The following COBL variants were observed in gnomAD, a reference collection of about 807,000 sequenced individuals.
COBL encodes cordon-bleu WH2 repeat protein, also known as protein cordon-bleu.
A neutral mutation model predicts 98.8 loss-of-function variants in COBL; 51 were observed. The observed-to-expected ratio is 0.52, with a 90% CI of 0.41 to 0.65. The LOEUF (loss-of-function observed/expected upper bound fraction) is 0.65, where lower values mean the gene tolerates loss of function less well. COBL is among the 30% of genes least tolerant of loss of function. COBL has a pLI of 0.00. For synonymous variants in COBL, 634 were observed against 651.7 expected (o/e 0.97, Z 0.41); for missense variants, 1,617 against 1,617.5 (o/e 1.00, Z 0.01).
At chr7:51,160,039 C>T (rs141350969) in intron 5 of COBL, among the ~76,000 whole-genome samples, 4 of 152,254 alleles carry the variant, frequency 2.6e-5, no homozygotes, top group Non-Finnish European at 4.4e-5. Flanking sequence ...ACTACAGACA[C>T]CTGCCACCAC....
At chr7:51,030,442 T>C (rs958648048) in intron 9 of COBL, among the ~76,000 whole-genome samples, 4 of 152,190 alleles carry the variant, frequency 2.6e-5, no homozygotes, top group African/African-American at 9.6e-5. Context: ...GTATTTCTCA[T>C]TGACAGATAT....
chr7:51,152,957 T>C (rs930562720), intron 5 of COBL, among the ~76,000 whole-genome samples: 1 of 152,252 alleles, frequency 6.6e-6, no homozygotes, highest in Non-Finnish European at 1.5e-5. Flanking sequence ...AGCAATGAAC[T>C]GAACCAAACC....
At chr7:51,169,823 T>A (rs1280644497) in intron 5 of COBL, among the ~76,000 whole-genome samples, 1 of 152,212 alleles carries the variant, frequency 6.6e-6, no homozygotes, top group Non-Finnish European at 1.5e-5. Context: ...TGTACATTTT[T>A]AAATAACTAA....
intron 7 of COBL, chr7:51,065,200 T>TTGTG (rs749237091): frequency 4.3e-6 from 3 of 702,836 alleles, no homozygotes; most frequent in African/African-American, 3.5e-5. Context: ...ACAAGATGGG[T>TTGTG]TGTGTGTGTG....
intron 4 of COBL, among the ~76,000 whole-genome samples, chr7:51,185,225 C>T (rs910028037): frequency 3.9e-5 from 6 of 152,188 alleles, no homozygotes; most frequent in African/African-American, 1.4e-4. Context: ...GCATCAGCAT[C>T]GCTGGGAACT....
intron 6 of COBL, among the ~76,000 whole-genome samples, chr7:51,135,346 G>A (rs1156832634): frequency 2.6e-5 from 4 of 152,122 alleles, no homozygotes; most frequent in Non-Finnish European, 5.9e-5. Flanking sequence ...AGATTTTTAG[G>A]GATATGAAGG....
At chr7:51,035,317 AGGTC>A (rs1203638909) in intron 8 of COBL, 1 of 152,096 alleles carries the variant, frequency 6.6e-6, no homozygotes, top group Non-Finnish European at 1.5e-5. Flanking sequence ...ATAGCACATG[AGGTC>A]ACTTTTTCTT....
chr7:51,308,613 C>T (rs1802709332), intron 1 of COBL, among the ~76,000 whole-genome samples: 2 of 152,216 alleles, frequency 1.3e-5, no homozygotes, highest in Non-Finnish European at 2.9e-5. Flanking sequence ...TATGATAAGA[C>T]AACGCTTTGC....
chr7:51,303,471 T>C (rs559997006), intron 1 of COBL, among the ~76,000 whole-genome samples: 143 of 151,972 alleles, frequency 9.4e-4, no homozygotes, highest in African/African-American at 3.1e-3. Context: ...AGGTGAGAGG[T>C]GACAGGGTGA....
At chr7:51,031,161 GTGGTGGACATGTGATATA>G in intron 8 of COBL, 1 of 448,492 alleles carries the variant, frequency 2.2e-6, no homozygotes, top group Non-Finnish European at 3.9e-6. Context: ...TGTCTTGTAT[GTGGTGGACATGTGATATA>G]TGGTGTGTGT....
chr7:51,284,129 CAAA>C (rs71021763), intron 1 of COBL, among the ~76,000 whole-genome samples: 91 of 66,232 alleles, frequency 1.4e-3, no homozygotes, highest in African/African-American at 3.3e-3. Context: ...ACCAAAAATA[CAAA>C]AAAAAAAAAA....
intron 12 of COBL, among the ~76,000 whole-genome samples, chr7:51,018,112 G>A (rs949388988): frequency 1.3e-4 from 20 of 152,178 alleles, no homozygotes; most frequent in African/African-American, 4.8e-4. Context: ...CACACAGGAA[G>A]TATTCTAGGT....
chr7:51,053,728 C>T (rs996819771), intron 7 of COBL, among the ~76,000 whole-genome samples: 14 of 152,226 alleles, frequency 9.2e-5, no homozygotes, highest in African/African-American at 2.9e-4. Context: ...CCACCTGGCA[C>T]AGGGCCCCTC....
chr7:51,023,968 G>A (rs1442862272), intron 12 of COBL, among the ~76,000 whole-genome samples: 1 of 152,152 alleles, frequency 6.6e-6, no homozygotes, highest in African/African-American at 2.4e-5. Context: ...CCGAATGCTT[G>A]GGTACAAGTG....
intron 1 of COBL, among the ~76,000 whole-genome samples, chr7:51,269,801 C>A (rs1798590347): frequency 6.6e-6 from 1 of 152,192 alleles, no homozygotes. Flanking sequence ...TTCACAGTTA[C>A]ACCAATGCTC....
At chr7:51,145,054 G>A (rs572232813) in intron 5 of COBL, among the ~76,000 whole-genome samples, 17 of 152,220 alleles carry the variant, frequency 1.1e-4, no homozygotes, top group East Asian at 1.9e-4. Context: ...TGCTCTTGTC[G>A]CCCAGGCTGG....
intron 5 of COBL, among the ~76,000 whole-genome samples, chr7:51,158,594 G>A (rs539450739): frequency 6.6e-6 from 1 of 152,310 alleles, no homozygotes; most frequent in Admixed American, 6.5e-5. Flanking sequence ...CCAGGGTAGA[G>A]GACGCATCCC....
intron 1 of COBL, among the ~76,000 whole-genome samples, chr7:51,239,272 G>A (rs1354795684): frequency 6.6e-6 from 1 of 152,170 alleles, no homozygotes; most frequent in Non-Finnish European, 1.5e-5. Context: ...AGACCTTGCT[G>A]ATTACAGGTT....
chr7:51,310,419 A>C (rs778313424), intron 1 of COBL, among the ~76,000 whole-genome samples: 3 of 152,224 alleles, frequency 2.0e-5, no homozygotes, highest in African/African-American at 7.2e-5. Context: ...CTTTGATAGA[A>C]GAAAGTCAAT....
Sources: allele counts gnomAD v4.1 joint callset (sites outside exome capture counted in the v4.1 genomes callset), GRCh38; gene constraint gnomAD v4.1.1; transcripts MANE v1.5; gene names NCBI Gene and HGNC (gene_info 2026-07-23, HGNC 2026-07-21).